FSTL4: variants seen among roughly 807,000 people sequenced by gnomAD.
FSTL4 encodes follistatin-related protein 4.
In FSTL4, 28 loss-of-function variants were observed where a neutral mutation model predicts 78.2. The observed-to-expected ratio is 0.36, with a 90% CI of 0.27 to 0.49. FSTL4 has a LOEUF of 0.49. Among genes scored for constraint, FSTL4 ranks in the 20% least tolerant of loss-of-function variants. The probability of loss-of-function intolerance (pLI) is 0.98; values close to 1 mark genes in which losing one functional copy is unlikely to be tolerated. For synonymous variants in FSTL4, 422 were observed against 440.5 expected, an observed-to-expected ratio of 0.96 and a Z score of 0.53; for missense variants, 922 against 1,084.9, an observed-to-expected ratio of 0.85 and a Z score of 2.11.
rs532993758 is a variant in FSTL4 at position 133,239,811 on chromosome 5, G to A, written c.895-6274C>T. Among the ~76,000 whole-genome samples the A allele has an allele frequency of 2.6e-5, 4 of 152,270 alleles. No homozygotes were observed. The East Asian group carries it at 5.8e-4, about 22-fold the overall frequency. On this transcript the variant is annotated intron_variant, in intron 7 of 15. Coordinates refer to ENST00000265342, the MANE Select transcript of FSTL4 (RefSeq NM_015082.2). Reference sequence around the variant, plus strand: ...GTATCTAGCTAATCTAGTGGGGACCGTGGAGAACTTTTGTGTCTAGCTCAG... The same window carrying A: ...GTATCTAGCTAATCTAGTGGGGACCATGGAGAACTTTTGTGTCTAGCTCAG...
chr5:133,511,679 TA>T (rs1758734118), intron 3 of FSTL4, among the ~76,000 whole-genome samples: 2 of 152,178 alleles, frequency 1.3e-5, no homozygotes, highest in Admixed American at 6.5e-5. Flanking sequence ...TTTGCCCCAA[TA>T]AAAGTGAGAC....
intron 2 of FSTL4, among the ~76,000 whole-genome samples, chr5:133,601,160 T>C (rs1424976421): frequency 6.6e-6 from 1 of 152,242 alleles, no homozygotes; most frequent in East Asian, 1.9e-4. Flanking sequence ...CAGGGAGGTA[T>C]GCCCTGCGCT....
At chr5:133,499,999 C>T (rs929551988) in intron 3 of FSTL4, among the ~76,000 whole-genome samples, 1 of 152,116 alleles carries the variant, frequency 6.6e-6, no homozygotes, top group African/African-American at 2.4e-5. Flanking sequence ...CTCTCATGGG[C>T]CAGGAAAAGG....
chr5:133,804,749 C>T, the FSTL4 span, among the ~76,000 whole-genome samples: 1 of 151,878 alleles, frequency 6.6e-6, no homozygotes. Context: ...TCGAGACCAT[C>T]CTGGTTAACA....
At chr5:133,838,181 C>G in the FSTL4 span, among the ~76,000 whole-genome samples, 1 of 152,216 alleles carries the variant, frequency 6.6e-6, no homozygotes, top group East Asian at 1.9e-4. Context: ...AGCCACCGTG[C>G]CCAGCCAAGA....
intron 3 of FSTL4, among the ~76,000 whole-genome samples, chr5:133,452,412 CT>C (rs1757402743): frequency 6.6e-6 from 1 of 152,232 alleles, no homozygotes; most frequent in East Asian, 1.9e-4. Context: ...TTAGAGGGAT[CT>C]GCAGCCAGAG....
At chr5:133,332,240 A>C (rs528093366) in intron 4 of FSTL4, among the ~76,000 whole-genome samples, 29 of 152,364 alleles carry the variant, frequency 1.9e-4, no homozygotes, top group African/African-American at 6.0e-4. Flanking sequence ...GAGCGAAAGC[A>C]GCAGCCTGAT....
intron 3 of FSTL4, among the ~76,000 whole-genome samples, chr5:133,473,023 T>C (rs1418993256): frequency 6.6e-6 from 1 of 152,236 alleles, no homozygotes; most frequent in Non-Finnish European, 1.5e-5. Flanking sequence ...CAGCAAAGGC[T>C]ATTGTGACTC....
chr5:133,484,471 G>C (rs1415868328), intron 3 of FSTL4, among the ~76,000 whole-genome samples: 1 of 152,184 alleles, frequency 6.6e-6, no homozygotes, highest in African/African-American at 2.4e-5. Context: ...GCCCACATGA[G>C]AGAAAAGCTT....
chr5:133,737,042 G>C, the FSTL4 span, among the ~76,000 whole-genome samples: 2 of 152,074 alleles, frequency 1.3e-5, no homozygotes, highest in Non-Finnish European at 2.9e-5. Flanking sequence ...AGGGTATCCA[G>C]CCCCTCAAGC....
At chr5:133,443,277 G>A (rs1044934690) in intron 3 of FSTL4, among the ~76,000 whole-genome samples, 4 of 152,196 alleles carry the variant, frequency 2.6e-5, no homozygotes, top group African/African-American at 4.8e-5. Flanking sequence ...AGTGATAAGC[G>A]GAGCTCGATT....
chr5:133,649,970 T>TA, the FSTL4 span, among the ~76,000 whole-genome samples: 1 of 151,852 alleles, frequency 6.6e-6, no homozygotes, highest in East Asian at 1.9e-4. Context: ...CTGCCAGCTG[T>TA]ATAAGAAGCA....
intron 4 of FSTL4, among the ~76,000 whole-genome samples, chr5:133,319,931 C>T (rs1754004919): frequency 3.3e-5 from 5 of 152,196 alleles, no homozygotes; most frequent in Admixed American, 3.3e-4. Flanking sequence ...TGGGGAAGGG[C>T]CATGGACCCT....
rs563823835 is a variant in FSTL4 at position 133,558,361 on chromosome 5, G to A, written c.160+8825C>T. 2.8e-4 allele frequency among the ~76,000 whole-genome samples: 43 copies of A among 152,164 alleles called. 1 individual carries two copies. Among genetic ancestry groups the A allele is most frequent in the African/African-American group, 9.2e-4 (38 of 41,394 alleles). On this transcript the variant is annotated intron_variant, in intron 3 of 15. Transcript: ENST00000265342. ...CCATTGAGGGGCAGAGAATGGAGCTGAGAAGCTGGAGCCCCGAAGAACAGG... is the reference window on the plus strand; with the variant it reads ...CCATTGAGGGGCAGAGAATGGAGCTAAGAAGCTGGAGCCCCGAAGAACAGG...
At chr5:133,548,325 G>C (rs906415425) in intron 3 of FSTL4, among the ~76,000 whole-genome samples, 5 of 152,154 alleles carry the variant, frequency 3.3e-5, no homozygotes, top group African/African-American at 4.8e-5. Flanking sequence ...TTTGAAGTGA[G>C]AGCAGTCTTA....
intron 7 of FSTL4, among the ~76,000 whole-genome samples, chr5:133,233,832 G>A (rs532421019): frequency 7.9e-5 from 12 of 152,148 alleles, no homozygotes; most frequent in Non-Finnish European, 1.5e-4. Flanking sequence ...TCAATTTCAA[G>A]CAACTAGGCC....
chr5:133,370,307 G>C (rs1427801593), intron 4 of FSTL4, among the ~76,000 whole-genome samples: 2 of 152,170 alleles, frequency 1.3e-5, no homozygotes, highest in African/African-American at 4.8e-5. Context: ...GCTGTGGGCA[G>C]GGAGACAGGC....
intron 3 of FSTL4, among the ~76,000 whole-genome samples, chr5:133,472,005 C>T (rs1268591545): frequency 6.6e-6 from 1 of 152,134 alleles, no homozygotes; most frequent in East Asian, 1.9e-4. Context: ...TCAAATCTCC[C>T]TCTCATCCTT....
intron 15 of FSTL4, among the ~76,000 whole-genome samples, chr5:133,200,345 T>C (rs1176814244): frequency 5.3e-5 from 8 of 152,244 alleles, no homozygotes; most frequent in Non-Finnish European, 1.2e-4. Flanking sequence ...GGGAAACATG[T>C]AGGGGCAGTC....
Sources: allele counts gnomAD v4.1 joint callset (sites outside exome capture counted in the v4.1 genomes callset), GRCh38; gene constraint gnomAD v4.1.1; transcripts MANE v1.5; gene names NCBI Gene and HGNC (gene_info 2026-07-23, HGNC 2026-07-21).